The following RAP1GAP2 variants were observed in gnomAD, a reference collection of about 807,000 sequenced individuals.
The protein encoded by RAP1GAP2 is rap1 GTPase-activating protein 2.
RAP1GAP2 carries 27 observed loss-of-function variants against 95.0 expected under a neutral mutation model. That is an observed-to-expected ratio of 0.28 (90% CI 0.21 to 0.39). The LOEUF (loss-of-function observed/expected upper bound fraction) is 0.39. RAP1GAP2 is among the 10% of genes least tolerant of loss of function. RAP1GAP2 has a pLI of 1.00. For missense variants in RAP1GAP2, 771 were observed against 970.0 expected (o/e 0.79, Z 2.72); for synonymous variants, 373 against 380.9 (o/e 0.98, Z 0.24).
chr17:3,026,315 T>C (rs1332564689), intron 20 of RAP1GAP2, 35 bp from the exon 21 acceptor site: 8 of 1,513,566 alleles, frequency 5.3e-6, no homozygotes, highest in Non-Finnish European at 7.2e-6. Context: ...CTCTCGCGTG[T>C]GACCCGGGCT....
intron 3 of RAP1GAP2, among the ~76,000 whole-genome samples, chr17:2,934,198 C>T (rs540505600): frequency 6.6e-6 from 1 of 152,320 alleles, no homozygotes; most frequent in South Asian, 2.1e-4. Context: ...ATGGCACGAT[C>T]TCGGCTCACT....
intron 1 of RAP1GAP2, among the ~76,000 whole-genome samples, chr17:2,788,868 T>A (rs913664401): frequency 4.6e-5 from 7 of 152,170 alleles, no homozygotes; most frequent in Non-Finnish European, 1.0e-4. Context: ...TCTTCTTTAC[T>A]TAGTCTACCA....
intron 13 of RAP1GAP2, among the ~76,000 whole-genome samples, chr17:2,996,552 CAAATG>C (rs2045966418): frequency 6.6e-6 from 1 of 152,160 alleles, no homozygotes; most frequent in Admixed American, 6.5e-5. Context: ...GTTCCAGAAA[CAAATG>C]GAAGCAGAAA....
At chr17:2,893,104 T>C (rs2073773838) in intron 2 of RAP1GAP2, among the ~76,000 whole-genome samples, 1 of 152,132 alleles carries the variant, frequency 6.6e-6, no homozygotes, top group Non-Finnish European at 1.5e-5. Flanking sequence ...CTTGGCTCAC[T>C]GCAACCTCTG....
intron 2 of RAP1GAP2, among the ~76,000 whole-genome samples, chr17:2,873,726 G>T (rs2072956238): frequency 6.6e-6 from 1 of 151,946 alleles, no homozygotes; most frequent in African/African-American, 2.4e-5. Context: ...CATCGTGAAT[G>T]TACTTAATGC....
chr17:2,910,395 C>T (rs549435493), intron 3 of RAP1GAP2, among the ~76,000 whole-genome samples: 7 of 152,286 alleles, frequency 4.6e-5, no homozygotes, highest in African/African-American at 1.7e-4. Context: ...TTGACACATC[C>T]CAGGTTATTA....
At chr17:3,011,137 AG>A (rs2046524830) in intron 17 of RAP1GAP2, among the ~76,000 whole-genome samples, 1 of 152,048 alleles carries the variant, frequency 6.6e-6, no homozygotes, top group African/African-American at 2.4e-5. Flanking sequence ...CATGTTGGCC[AG>A]GCTGGTCTCG....
intron 2 of RAP1GAP2, among the ~76,000 whole-genome samples, chr17:2,823,740 A>G (rs1255682923): frequency 6.6e-6 from 1 of 152,212 alleles, no homozygotes; most frequent in Non-Finnish European, 1.5e-5. Flanking sequence ...CTGAGGGGCC[A>G]GTAAGCAATA....
At chr17:3,026,761 CA>C (rs1181828608) in intron 21 of RAP1GAP2, among the ~76,000 whole-genome samples, 182 bp from the exon 22 acceptor site, 2 of 152,142 alleles carry the variant, frequency 1.3e-5, no homozygotes, top group African/African-American at 2.4e-5. Context: ...GGGGCTGGGT[CA>C]AAGGTCCTTC....
At chr17:2,979,792 C>A (rs2045283022) in intron 8 of RAP1GAP2, among the ~76,000 whole-genome samples, 4 of 152,002 alleles carry the variant, frequency 2.6e-5, no homozygotes, top group Admixed American at 2.6e-4. Context: ...AGCCACCTCC[C>A]CAGCATGCCT....
chr17:2,829,457 C>G (rs751706149), intron 2 of RAP1GAP2, among the ~76,000 whole-genome samples: 1 of 152,098 alleles, frequency 6.6e-6, no homozygotes, highest in Admixed American at 6.6e-5. Flanking sequence ...CGACCCTTCT[C>G]TCCTGGAGCC....
chr17:2,883,823 A>C (rs1275409732), intron 2 of RAP1GAP2, among the ~76,000 whole-genome samples: 1 of 152,158 alleles, frequency 6.6e-6, no homozygotes, highest in East Asian at 1.9e-4. Flanking sequence ...CAAGGCTGTG[A>C]CCCAGATAGG....
At chr17:2,821,136 C>T (rs1023822504) in intron 2 of RAP1GAP2, among the ~76,000 whole-genome samples, 1 of 152,046 alleles carries the variant, frequency 6.6e-6, no homozygotes, top group African/African-American at 2.4e-5. Context: ...GAGCCTCCCT[C>T]GAGTCCCTCT....
intron 1 of RAP1GAP2, among the ~76,000 whole-genome samples, chr17:2,799,709 T>C (rs1597329999): frequency 6.6e-6 from 1 of 152,114 alleles, no homozygotes; most frequent in Non-Finnish European, 1.5e-5. Flanking sequence ...GTGACAGTGG[T>C]GGTCACGACC....
chr17:3,026,297 G>T, intron 20 of RAP1GAP2, 53 bp from the exon 21 acceptor site: 1 of 1,460,650 alleles, frequency 6.8e-7, no homozygotes, highest in Non-Finnish European at 9.4e-7. Context: ...GACCCTGGGG[G>T]TGGAGGGCTC....
chr17:2,959,949 A>C (rs985841568), intron 4 of RAP1GAP2, among the ~76,000 whole-genome samples: 3 of 151,870 alleles, frequency 2.0e-5, no homozygotes, highest in Non-Finnish European at 2.9e-5. Flanking sequence ...ACCTGGTGAA[A>C]CCCTGTCTCT....
rs1287466549 is a variant in RAP1GAP2 at position 3,005,454 on chromosome 17, C to T, written c.1272+14C>T. Reference sequence around the variant, plus strand: ...GTTTTCCAGAAGGTAGGACACTCTTCCTTCTGCCCCTCTCGCATCCACGAT... The same window carrying T: ...GTTTTCCAGAAGGTAGGACACTCTTTCTTCTGCCCCTCTCGCATCCACGAT... On this transcript the variant is annotated intron_variant, in intron 15 of 24. Transcript: ENST00000254695. The surrounding 1 kb of genome is among the most constrained non-coding windows in gnomAD (Gnocchi z 5.2). The T allele has an allele frequency of 6.2e-7, 1 of 1,606,068 alleles. No individual in the cohort carries two copies. The highest frequency in any genetic ancestry group is 8.5e-7 in the Non-Finnish European group (1 of 1,172,706).
At chr17:2,927,591 T>C (rs1253323398) in intron 3 of RAP1GAP2, among the ~76,000 whole-genome samples, 3 of 152,218 alleles carry the variant, frequency 2.0e-5, no homozygotes, top group African/African-American at 4.8e-5. Flanking sequence ...GCCTTAATTC[T>C]AGCCACAACC....
intron 1 of RAP1GAP2, among the ~76,000 whole-genome samples, chr17:2,785,911 T>TG (rs2068760355): frequency 6.6e-6 from 1 of 150,612 alleles, no homozygotes; most frequent in South Asian, 2.1e-4. Flanking sequence ...TTTTTTTTTT[T>TG]TTTTTTTTAG....
Sources: allele counts gnomAD v4.1 joint callset (sites outside exome capture counted in the v4.1 genomes callset), GRCh38; gene constraint gnomAD v4.1.1; non-coding constraint Gnocchi (gnomAD v3.1); transcripts MANE v1.5; gene names NCBI Gene and HGNC (gene_info 2026-07-23, HGNC 2026-07-21).